CNTN3: variants seen among roughly 807,000 people sequenced by gnomAD.
CNTN3 encodes the protein contactin 3, also known as contactin-3.
A neutral mutation model predicts 119.1 loss-of-function variants in CNTN3; 60 were observed. The ratio of observed to expected loss-of-function variants is 0.50; its 90% CI spans 0.41 to 0.62. The LOEUF (loss-of-function observed/expected upper bound fraction) is 0.62, where lower values mean the gene tolerates loss of function less well. Ranked by LOEUF, CNTN3 falls within the 20% of genes least tolerant of loss-of-function variation. The pLI is 0.00. For synonymous variants in CNTN3, 450 were observed against 438.7 expected, an observed-to-expected ratio of 1.03 and a Z score of -0.32; for missense variants, 1,101 against 1,242.4, an observed-to-expected ratio of 0.89 and a Z score of 1.71.
chr3:74,389,082 A>G (rs1704829206), intron 5 of CNTN3, among the ~76,000 whole-genome samples: 1 of 152,208 alleles, frequency 6.6e-6, no homozygotes. Flanking sequence ...GAGGTGTTTA[A>G]AAATAGAATT....
intron 1 of CNTN3, among the ~76,000 whole-genome samples, chr3:74,598,482 AT>A (rs1220203072): frequency 6.6e-6 from 1 of 152,064 alleles, no homozygotes; most frequent in African/African-American, 2.4e-5. Context: ...TTTAAAAATT[AT>A]TTTTATTTTT....
At chr3:74,369,659 A>G (rs1704288822) in intron 7 of CNTN3, among the ~76,000 whole-genome samples, 1 of 151,802 alleles carries the variant, frequency 6.6e-6, no homozygotes, top group African/African-American at 2.4e-5. Context: ...AAACCCACCA[A>G]TTTATTTTAT....
intron 5 of CNTN3, among the ~76,000 whole-genome samples, chr3:74,376,669 T>C (rs1704482274): frequency 6.6e-6 from 1 of 152,160 alleles, no homozygotes; most frequent in African/African-American, 2.4e-5. Flanking sequence ...GTAATGTGCT[T>C]GAATAATCCC....
At chr3:74,326,680 G>A (rs1432535445) in intron 13 of CNTN3, among the ~76,000 whole-genome samples, 1 of 151,756 alleles carries the variant, frequency 6.6e-6, no homozygotes, top group Non-Finnish European at 1.5e-5. Context: ...GATACTATTG[G>A]GTTTTGAGTA....
intron 1 of CNTN3, among the ~76,000 whole-genome samples, chr3:74,576,934 C>G (rs548479778): frequency 2.0e-5 from 3 of 152,256 alleles, no homozygotes; most frequent in Non-Finnish European, 4.4e-5. Flanking sequence ...TCAACAGTGT[C>G]TGTCGAATCT....
intron 1 of CNTN3, among the ~76,000 whole-genome samples, chr3:74,613,191 A>G (rs1705110836): frequency 6.6e-6 from 1 of 151,242 alleles, no homozygotes; most frequent in Non-Finnish European, 1.5e-5. Flanking sequence ...CTATTTACAG[A>G]TCAGGATTCT....
intron 3 of CNTN3, among the ~76,000 whole-genome samples, chr3:74,498,858 C>T (rs532562721): frequency 6.6e-6 from 1 of 151,866 alleles, no homozygotes; most frequent in African/African-American, 2.4e-5. Context: ...GTCTTGAATA[C>T]TTTCTTTCAA....
chr3:74,345,223 C>T (rs1703662266), intron 11 of CNTN3, among the ~76,000 whole-genome samples: 1 of 152,204 alleles, frequency 6.6e-6, no homozygotes, highest in Non-Finnish European at 1.5e-5. Context: ...CCAGTAACAT[C>T]TCAGTCCTGA....
intron 2 of CNTN3, among the ~76,000 whole-genome samples, chr3:74,507,513 A>G (rs929559513): frequency 1.3e-5 from 2 of 151,664 alleles, no homozygotes; most frequent in African/African-American, 4.8e-5. Flanking sequence ...AGCATACTCT[A>G]TTACTGCCCC....
At chr3:74,328,430 A>C (rs1703181612) in intron 13 of CNTN3, among the ~76,000 whole-genome samples, 1 of 152,332 alleles carries the variant, frequency 6.6e-6, no homozygotes, top group South Asian at 2.1e-4. Flanking sequence ...TATTTACATA[A>C]TAAATATTTG....
At chr3:74,598,519 G>A (rs908135985) in intron 1 of CNTN3, among the ~76,000 whole-genome samples, 2 of 152,018 alleles carry the variant, frequency 1.3e-5, no homozygotes, top group Admixed American at 6.6e-5. Flanking sequence ...GAGTGCAGTG[G>A]CATGATCGCA....
chr3:74,600,025 G>A (rs1390645863), intron 1 of CNTN3, among the ~76,000 whole-genome samples: 1 of 151,892 alleles, frequency 6.6e-6, no homozygotes, highest in African/African-American at 2.4e-5. Flanking sequence ...GGAAAGCACA[G>A]TTGGTTGATG....
chr3:74,536,212 G>C (rs1703763058), intron 1 of CNTN3, among the ~76,000 whole-genome samples: 1 of 152,040 alleles, frequency 6.6e-6, no homozygotes, highest in African/African-American at 2.4e-5. Context: ...CAAATGTTCA[G>C]AGGGTCCCAA....
At chr3:74,313,169 A>T (rs1702738673) in intron 13 of CNTN3, among the ~76,000 whole-genome samples, 1 of 152,188 alleles carries the variant, frequency 6.6e-6, no homozygotes, top group Non-Finnish European at 1.5e-5. Context: ...CAGAATATGC[A>T]AGAACAATGG....
intron 1 of CNTN3, among the ~76,000 whole-genome samples, chr3:74,534,553 T>C (rs187116783): frequency 5.3e-5 from 8 of 152,172 alleles, no homozygotes; most frequent in Admixed American, 1.3e-4. Flanking sequence ...ATGCTGTATG[T>C]AGAGTTTTTG....
chr3:74,491,041 C>A (rs891242200), intron 3 of CNTN3, among the ~76,000 whole-genome samples: 1 of 152,060 alleles, frequency 6.6e-6, no homozygotes, highest in African/African-American at 2.4e-5. Flanking sequence ...AAAGGGGTGT[C>A]TTTGTTTAAA....
At chr3:74,585,503 A>C (rs1704578589) in intron 1 of CNTN3, among the ~76,000 whole-genome samples, 1 of 152,182 alleles carries the variant, frequency 6.6e-6, no homozygotes, top group Non-Finnish European at 1.5e-5. Context: ...AGAGAAGTAA[A>C]GTATTACAAG....
chr3:74,492,265 G>A (rs1349252385), intron 3 of CNTN3, among the ~76,000 whole-genome samples: 2 of 152,262 alleles, frequency 1.3e-5, no homozygotes, highest in African/African-American at 4.8e-5. Context: ...TGGTTTGTGT[G>A]AAGGTTCTAT....
rs537717951 is a variant in CNTN3, at chr3:74,454,540, T to C, written c.359-29600A>G. Among the ~76,000 whole-genome samples, 1,024 of 152,236 alleles carry C rather than the reference T, an allele frequency of 6.7e-3. 16 individuals are homozygous for C. The highest frequency in any genetic ancestry group is 0.024 in the African/African-American group (980 of 41,544). ...AAAGTTAATATTGTTATGTGTGAAT[T>C]TGATCCTGTCATTATGATGTTAGCT... On this transcript the variant is annotated intron_variant, in intron 4 of 22. Coordinates refer to ENST00000263665, the MANE Select transcript of CNTN3 (RefSeq NM_020872.3).
Sources: allele counts gnomAD v4.1 joint callset (sites outside exome capture counted in the v4.1 genomes callset), GRCh38; gene constraint gnomAD v4.1.1; transcripts MANE v1.5; gene names NCBI Gene and HGNC (gene_info 2026-07-23, HGNC 2026-07-21).